Variants in ZBTB1 observed in about 807,000 individuals in gnomAD.
The protein encoded by ZBTB1 is zinc finger and BTB domain-containing protein 1.
Under a neutral mutation model 51.6 loss-of-function variants are expected in ZBTB1, and 13 were observed. The observed-to-expected ratio is 0.25, with a 90% confidence interval of 0.16 to 0.40. The LOEUF is 0.40. ZBTB1 is among the 10% of genes least tolerant of loss of function. ZBTB1 has a pLI of 1.00. For synonymous variants in ZBTB1, 240 were observed against 282.2 expected (o/e 0.85, Z 1.50); for missense variants, 567 against 856.5 (o/e 0.66, Z 4.22).
In ZBTB1 at chr14:64,524,407, T is replaced by C. The variant is rs1373412288; in HGVS notation, c.*761T>C. The C allele has an allele frequency of 6.2e-6, 5 of 804,448 alleles. No homozygotes were observed. The Admixed American group carries it at 3.1e-4, about 50-fold the overall frequency. The allele number at this position is 804,448 out of a possible 1,614,324, so 49.8% of individuals were successfully genotyped here. A position where few individuals can be genotyped will look rare whatever the true frequency, so the allele number is the denominator to read the frequency against. ...GTGATATTAAATTTAACTATGATAG[T>C]TAATTAAAAAGACATATCTTGTATT... On this transcript the variant is annotated 3_prime_UTR_variant, in exon 2 of 2. Coordinates refer to ENST00000683701, the MANE Select transcript of ZBTB1 (RefSeq NM_001123329.2).
chr14:64,523,138 C>G lies in ZBTB1; in HGVS notation c.1634C>G (p.Thr545Ser). Residue 545 changes from threonine (T) to serine (S), a missense_variant, in exon 2 of 2, where the codon ACT becomes AGT. By Grantham distance (58) the Thr-to-Ser change is moderately conservative. This residue lies in a region of ZBTB1 where 329 missense variants were observed against 406.3 expected (regional missense o/e 0.81). Coordinates refer to ENST00000683701, the MANE Select transcript of ZBTB1 (RefSeq NM_001123329.2). The surrounding 1 kb of genome is among the most constrained non-coding windows in gnomAD (Gnocchi z 4.5). ...RCPNCGQRFE[T>S]ENLVVEHMSS... ...CCTAATTGTGGCCAGCGTTTTGAAA[C>G]TGAAAATCTAGTGGTTGAACATATG... 6.2e-7 allele frequency: 1 copy of G among 1,614,132 alleles called. No homozygotes were observed. Among genetic ancestry groups the G allele is most frequent in the South Asian group, 1.1e-5 (1 of 91,084 alleles).
downstream of ZBTB1, among the ~76,000 whole-genome samples, chr14:64,527,408 A>G (rs921521936): frequency 6.6e-6 from 1 of 152,092 alleles, no homozygotes; most frequent in Non-Finnish European, 1.5e-5. Flanking sequence ...CAGGAGTTCA[A>G]GACCAGCCTG....
exon 3 of ZBTB1, chr14:64,532,060 T>C: frequency 1.4e-6 from 1 of 694,638 alleles, no homozygotes; most frequent in Non-Finnish European, 2.3e-6. Context: ...CCAAGAAAAC[T>C]CAGTAAAGAT....
chr14:64,528,468 C>T (rs1245749304), downstream of ZBTB1, among the ~76,000 whole-genome samples: 3 of 150,956 alleles, frequency 2.0e-5, no homozygotes, highest in Admixed American at 1.3e-4. Context: ...GCTCTCCAGA[C>T]ATCCTAGCAT....
chr14:64,504,653 G>A, upstream of ZBTB1: 1 of 339,670 alleles, frequency 2.9e-6, no homozygotes, highest in Admixed American at 4.8e-5. Flanking sequence ...GGGCGAGAGG[G>A]AGGGGAAGGC....
chr14:64,516,859 C>G (rs974433074), intron 1 of ZBTB1: 3 of 152,166 alleles, frequency 2.0e-5, no homozygotes, highest in South Asian at 2.1e-4. Context: ...TGTATTTTTA[C>G]TCAGTTGAAT....
chr14:64,504,383 T>G (rs1322829344), upstream of ZBTB1: 1 of 152,464 alleles, frequency 6.6e-6, no homozygotes, highest in African/African-American at 2.4e-5. Flanking sequence ...GTCTGACATC[T>G]GGACGGAGTG....
chr14:64,531,875 C>T (rs1324104125), exon 3 of ZBTB1: 12 of 1,613,554 alleles, frequency 7.4e-6, no homozygotes, highest in Non-Finnish European at 1.0e-5. Flanking sequence ...GAAATAGGGC[C>T]TTCTAAACCT....
chr14:64,530,705 A>C (rs2079936220), intron 2 of ZBTB1, among the ~76,000 whole-genome samples: 1 of 152,224 alleles, frequency 6.6e-6, no homozygotes, highest in South Asian at 2.1e-4. Context: ...AATCTTACTT[A>C]AGTTGTTCTC....
intron 1 of ZBTB1, among the ~76,000 whole-genome samples, chr14:64,517,782 T>TA (rs1491377695): frequency 0.098 from 3,290 of 33,602 alleles, 63 homozygotes; most frequent in Middle Eastern, 0.2. Flanking sequence ...TATATATATA[T>TA]TTTTTTTTTT....
In ZBTB1 at chr14:64,522,724, C is replaced by A; in HGVS notation, c.1220C>A (p.Pro407His). The change falls in exon 2 of 2, where the codon CCC becomes CAC. Residue 407 changes from proline (P) to histidine (H), a missense_variant. Physicochemically the swap from Pro to His is moderately conservative, Grantham distance 77. This residue lies in a region of ZBTB1 where 329 missense variants were observed against 406.3 expected (regional missense o/e 0.81). Transcript: ENST00000683701. ...AGAGGTGGTTTAGAGAATATGAGGC[C>A]CCCTAACAACAGCAGTCCAGTACAA... is the stretch of plus-strand genomic sequence containing the variant. ...DERGGLENMR[P>H]PNNSSPVQED... 1 of 1,614,060 alleles carries A rather than the reference C, an allele frequency of 6.2e-7. No individual in the cohort carries two copies. Among genetic ancestry groups the A allele is most frequent in the Non-Finnish European group, 8.5e-7 (1 of 1,179,966 alleles).
chr14:64,517,931 G>A lies in ZBTB1; in HGVS notation c.-18-3556G>A, dbSNP rs992729388. 2.6e-5 allele frequency among the ~76,000 whole-genome samples: 4 copies of A among 151,096 alleles called. No homozygotes were observed. The East Asian group carries it at 5.8e-4, about 22-fold the overall frequency. On this transcript the variant is annotated intron_variant, in intron 1 of 1. Coordinates refer to ENST00000683701, the MANE Select transcript of ZBTB1 (RefSeq NM_001123329.2). ...TCACTGCAACCTCCCTCTCCCAGGC[G>A]CAAGCAATTCTCTTGCCTCAGCCTC...
At chr14:64,511,599 G>C (rs975251026) in intron 1 of ZBTB1, among the ~76,000 whole-genome samples, 1 of 152,182 alleles carries the variant, frequency 6.6e-6, no homozygotes, top group Non-Finnish European at 1.5e-5. Flanking sequence ...TCCCTCTTTA[G>C]GATGAATGGA....
downstream of ZBTB1, among the ~76,000 whole-genome samples, chr14:64,528,608 A>T (rs1306411137): frequency 6.6e-6 from 1 of 152,178 alleles, no homozygotes; most frequent in Non-Finnish European, 1.5e-5. Context: ...AGGAAACTAA[A>T]ACAAGTAGGG....
chr14:64,522,701 A>G lies in ZBTB1; in HGVS notation c.1197A>G (p.Arg399=), dbSNP rs1353170144. 1.2e-5 allele frequency: 20 copies of G among 1,614,062 alleles called. No homozygotes were observed. Among genetic ancestry groups the G allele is most frequent in the Non-Finnish European group, 1.7e-5 (20 of 1,180,032 alleles). Reference sequence around the variant, plus strand: ...GAATGTCAGTAAGTGCTGATGAAAGAGGTGGTTTAGAGAATATGAGGCCCC... The same window carrying G: ...GAATGTCAGTAAGTGCTGATGAAAGGGGTGGTTTAGAGAATATGAGGCCCC... ...KPRMSVSADE[R]GGLENMRPPN... is the part of the protein sequence containing the mutation. The change falls in exon 2 of 2, where the codon AGA becomes AGG. Residue 399 remains arginine, a synonymous_variant. Coordinates refer to ENST00000683701, the MANE Select transcript of ZBTB1 (RefSeq NM_001123329.2).
chr14:64,515,643 C>T (rs2140125468), intron 1 of ZBTB1, among the ~76,000 whole-genome samples: 2 of 151,986 alleles, frequency 1.3e-5, no homozygotes, highest in African/African-American at 4.8e-5. Flanking sequence ...GCCTCAGCCT[C>T]CCAAGTAGCT....
chr14:64,510,710 G>A (rs1005927350), intron 1 of ZBTB1, among the ~76,000 whole-genome samples: 1 of 152,192 alleles, frequency 6.6e-6, no homozygotes, highest in Admixed American at 6.5e-5. Context: ...GGTGGGCATG[G>A]AGGGCTTTGT....
At chr14:64,515,063 G>T (rs1187783597) in intron 1 of ZBTB1, among the ~76,000 whole-genome samples, 2 of 152,172 alleles carry the variant, frequency 1.3e-5, no homozygotes, top group Non-Finnish European at 2.9e-5. Context: ...AACTTTTTCA[G>T]ACTAAAATTT....
At position 64,524,829 on chromosome 14, in the gene ZBTB1, T is replaced by A. The variant is rs879830556; in HGVS notation, c.*1183T>A. The stretch of plus-strand genomic sequence containing the variant: ...ACAGAGTATATCAATGGAAACAGTT[T>A]ATCATTTTTTCAGTTAAAGTAGTAG... On this transcript the variant is annotated 3_prime_UTR_variant, in exon 2 of 2. Transcript: ENST00000683701. 2 of 983,344 alleles carry A rather than the reference T, an allele frequency of 2.0e-6. No homozygotes were observed. Among genetic ancestry groups the A allele is most frequent in the Admixed American group, 6.2e-5 (1 of 16,256 alleles). 60.9% of individuals were successfully genotyped at this position (983,344 alleles called of 1,614,324 possible).
Sources: allele counts gnomAD v4.1 joint callset (sites outside exome capture counted in the v4.1 genomes callset), GRCh38; gene constraint gnomAD v4.1.1; regional missense constraint gnomAD v4.1.1; non-coding constraint Gnocchi (gnomAD v3.1); transcripts MANE v1.5; gene names NCBI Gene and HGNC (gene_info 2026-07-23, HGNC 2026-07-21).